Variants in AKAP13 observed in about 807,000 individuals in gnomAD.
The protein encoded by AKAP13 is A-kinase anchoring protein 13, also known as A-kinase anchor protein 13.
A neutral mutation model predicts 264.5 loss-of-function variants in AKAP13; 80 were observed. That is an observed-to-expected ratio of 0.30 (90% confidence interval 0.25 to 0.36). The LOEUF (loss-of-function observed/expected upper bound fraction) is 0.36, where lower values mean the gene tolerates loss of function less well. Ranked by LOEUF, AKAP13 falls within the 10% of genes least tolerant of loss-of-function variation. The pLI is 1.00. For synonymous variants in AKAP13, 1,380 were observed against 1,250.2 expected (o/e 1.10, Z -2.19); for missense variants, 3,712 against 3,435.2 (o/e 1.08, Z -2.01).
intron 8 of AKAP13, among the ~76,000 whole-genome samples, chr15:85,632,208 T>G (rs1270279062): frequency 6.6e-6 from 1 of 152,206 alleles, no homozygotes. Flanking sequence ...TATTACTCAT[T>G]GCATAGCCAG....
chr15:85,604,005 A>G (rs1018065305), intron 8 of AKAP13, among the ~76,000 whole-genome samples: 2 of 152,130 alleles, frequency 1.3e-5, no homozygotes, highest in South Asian at 4.1e-4. Context: ...GCAGACATTT[A>G]TAATGTCTGA....
rs145602546 is a variant in AKAP13, at chr15:85,579,729, C to A, written c.1661C>A (p.Ala554Glu). 4.3e-6 allele frequency: 7 copies of A among 1,614,078 alleles called. No individual in the cohort carries two copies. Among genetic ancestry groups the A allele is most frequent in the Non-Finnish European group, 8.5e-7 (1 of 1,180,030 alleles). Residue 554 changes from alanine to glutamate, a missense_variant, in exon 7 of 37, where the codon GCA becomes GAA. By Grantham distance (107) the Ala-to-Glu change is moderately radical. Around this residue, in one of 3 missense-constraint regions of AKAP13, gnomAD observed 2,759 missense variants for 2,411.7 expected, o/e 1.14. Transcript: ENST00000394518. ...AACAAACCTGCTGAGTCTTCACTTG[C>A]ATTTAGTAATGAAGAAACCTCCACT... ...DGNKPAESSL[A>E]FSNEETSTEK...
chr15:85,434,465 C>T (rs2073176790), intron 1 of AKAP13, among the ~76,000 whole-genome samples: 1 of 152,192 alleles, frequency 6.6e-6, no homozygotes, highest in African/African-American at 2.4e-5. Flanking sequence ...GGGTGGAGCC[C>T]ACCACAGCTC....
chr15:85,440,952 G>C (rs4842882), intron 1 of AKAP13, among the ~76,000 whole-genome samples: 1 of 152,020 alleles, frequency 6.6e-6, no homozygotes, highest in African/African-American at 2.4e-5. Context: ...AAGAGCCCAC[G>C]GTTTGAAAGC....
At chr15:85,496,570 T>C (rs527473585) in intron 2 of AKAP13, among the ~76,000 whole-genome samples, 1 of 152,330 alleles carries the variant, frequency 6.6e-6, no homozygotes, top group South Asian at 2.1e-4. Flanking sequence ...GTGTTCTCAG[T>C]TGCCTCCTTA....
chr15:85,410,978 T>C (rs919520626), intron 1 of AKAP13, among the ~76,000 whole-genome samples: 26 of 152,198 alleles, frequency 1.7e-4, no homozygotes, highest in Admixed American at 1.3e-4. Flanking sequence ...ACGTAGGTAA[T>C]TGATGGATCT....
intron 13 of AKAP13, among the ~76,000 whole-genome samples, chr15:85,665,947 C>T (rs2083571672): frequency 6.6e-6 from 1 of 152,172 alleles, no homozygotes; most frequent in South Asian, 2.1e-4. Flanking sequence ...TGGGTTGGTT[C>T]CAAGTCTTTG....
intron 22 of AKAP13, 55 bp from the exon 23 acceptor site, chr15:85,719,021 G>A (rs1365916875): frequency 6.3e-7 from 1 of 1,595,334 alleles, no homozygotes; most frequent in Admixed American, 1.7e-5. Flanking sequence ...TGATCTTTGA[G>A]GGCGAATGCT....
At chr15:85,647,671 C>A (rs1462924123) in intron 10 of AKAP13, among the ~76,000 whole-genome samples, 1 of 151,974 alleles carries the variant, frequency 6.6e-6, no homozygotes, top group Non-Finnish European at 1.5e-5. Context: ...TAGGACCGGG[C>A]GCAATGGCTC....
At chr15:85,459,477 G>A (rs931760998) in intron 1 of AKAP13, among the ~76,000 whole-genome samples, 2 of 148,468 alleles carry the variant, frequency 1.3e-5, no homozygotes, top group Non-Finnish European at 3.0e-5. Context: ...AGGATTACAA[G>A]CCTGAGCCAC....
intron 8 of AKAP13, among the ~76,000 whole-genome samples, chr15:85,634,139 A>G (rs953840947): frequency 8.5e-5 from 13 of 152,218 alleles, no homozygotes; most frequent in African/African-American, 3.1e-4. Flanking sequence ...TGAACAGAGC[A>G]AATGATAAAG....
At chr15:85,618,892 T>C (rs1216524261) in intron 8 of AKAP13, among the ~76,000 whole-genome samples, 3 of 152,226 alleles carry the variant, frequency 2.0e-5, no homozygotes, top group Non-Finnish European at 4.4e-5. Flanking sequence ...CAGACACATT[T>C]ATAGCCACGT....
intron 8 of AKAP13, among the ~76,000 whole-genome samples, chr15:85,610,080 A>C (rs2080535373): frequency 6.6e-6 from 1 of 152,234 alleles, no homozygotes; most frequent in African/African-American, 2.4e-5. Context: ...ACAGACACTT[A>C]AATATTTGCT....
At chr15:85,633,642 C>G (rs1217049200) in intron 8 of AKAP13, among the ~76,000 whole-genome samples, 1 of 143,402 alleles carries the variant, frequency 7.0e-6, no homozygotes, top group Non-Finnish European at 1.5e-5. Context: ...CTCCCGGGTT[C>G]ACGCCATTCT....
intron 22 of AKAP13, 73 bp from the exon 23 acceptor site, chr15:85,719,003 G>T: frequency 6.3e-7 from 1 of 1,577,130 alleles, no homozygotes; most frequent in South Asian, 1.2e-5. Context: ...CTTTGGGACT[G>T]CAGCAGATGA....
intron 7 of AKAP13, among the ~76,000 whole-genome samples, chr15:85,585,059 C>G (rs2151315239): frequency 6.6e-6 from 1 of 152,312 alleles, no homozygotes; most frequent in East Asian, 1.9e-4. Context: ...AAGAGGACAA[C>G]TATGTAATTC....
At chr15:85,477,159 T>G (rs1253254453) in intron 1 of AKAP13, among the ~76,000 whole-genome samples, 1 of 152,038 alleles carries the variant, frequency 6.6e-6, no homozygotes, top group Non-Finnish European at 1.5e-5. Context: ...TCTAAAAGAT[T>G]ACTTACTTCT....
intron 1 of AKAP13, among the ~76,000 whole-genome samples, chr15:85,449,280 A>G (rs543720134): frequency 1.3e-5 from 2 of 152,194 alleles, no homozygotes; most frequent in African/African-American, 4.8e-5. Context: ...TGATTTTTAT[A>G]TCCTGCAACT....
chr15:85,445,266 A>G (rs2073859245), intron 1 of AKAP13, among the ~76,000 whole-genome samples: 2 of 152,356 alleles, frequency 1.3e-5, no homozygotes, highest in South Asian at 2.1e-4. Context: ...GAAAATGGTC[A>G]GCAACTTGGC....
Sources: allele counts gnomAD v4.1 joint callset (sites outside exome capture counted in the v4.1 genomes callset), GRCh38; gene constraint gnomAD v4.1.1; regional missense constraint gnomAD v4.1.1; transcripts MANE v1.5; gene names NCBI Gene and HGNC (gene_info 2026-07-23, HGNC 2026-07-21).